Variants in VAV2 observed in about 807,000 individuals in gnomAD.
The protein encoded by VAV2 is guanine nucleotide exchange factor VAV2.
VAV2 carries 67 observed loss-of-function variants against 132.5 expected under a neutral mutation model. The ratio of observed to expected loss-of-function variants is 0.51; its 90% confidence interval spans 0.42 to 0.62. The LOEUF (loss-of-function observed/expected upper bound fraction) is 0.62. Ranked by LOEUF, VAV2 falls within the 20% of genes least tolerant of loss-of-function variation. The pLI, the probability that VAV2 is intolerant of heterozygous loss-of-function variation, is 0.00. For synonymous variants in VAV2, 492 were observed against 443.5 expected, an observed-to-expected ratio of 1.11 and a Z score of -1.37; for missense variants, 938 against 1,153.6, an observed-to-expected ratio of 0.81 and a Z score of 2.71.
intron 23 of VAV2, among the ~76,000 whole-genome samples, chr9:133,776,822 AC>A (rs1411415531): frequency 6.6e-6 from 1 of 152,158 alleles, no homozygotes; most frequent in Admixed American, 6.5e-5. Context: ...CCACCCCTGC[AC>A]CTTCAGAGGT....
chr9:133,860,130 T>A (rs370440239), intron 3 of VAV2, among the ~76,000 whole-genome samples: 35 of 151,938 alleles, frequency 2.3e-4, no homozygotes, highest in African/African-American at 8.2e-4. Context: ...GTGAAACCCT[T>A]TCTCTACTGA....
intron 2 of VAV2, among the ~76,000 whole-genome samples, chr9:133,899,818 G>A (rs141157555): frequency 0.15 from 22,352 of 150,062 alleles, 1,825 homozygotes; most frequent in South Asian, 0.2. Flanking sequence ...TCAGGAGGTC[G>A]AGACCATCCT....
At chr9:133,776,563 G>A (rs1232515752) in intron 23 of VAV2, among the ~76,000 whole-genome samples, 2 of 152,110 alleles carry the variant, frequency 1.3e-5, no homozygotes, top group African/African-American at 4.8e-5. Context: ...CAGCCTCAGA[G>A]ACTACCTCTT....
chr9:133,934,769 C>T (rs1840842910), intron 2 of VAV2, among the ~76,000 whole-genome samples: 1 of 152,128 alleles, frequency 6.6e-6, no homozygotes, highest in Admixed American at 6.5e-5. Flanking sequence ...TCGCAGAAAG[C>T]CTGCTGGGGG....
chr9:133,882,258 T>A (rs1838527394), intron 2 of VAV2, among the ~76,000 whole-genome samples: 1 of 152,050 alleles, frequency 6.6e-6, no homozygotes, highest in Non-Finnish European at 1.5e-5. Flanking sequence ...GTGAAGCAGG[T>A]GAAGCACGCA....
At chr9:133,848,304 A>T (rs1019568235) in intron 3 of VAV2, among the ~76,000 whole-genome samples, 15 of 147,740 alleles carry the variant, frequency 1.0e-4, no homozygotes, top group African/African-American at 3.6e-4. Context: ...AAAAAAAAAA[A>T]TCCAAAGCAA....
At chr9:133,862,245 G>GCTA (rs1837625406) in intron 2 of VAV2, among the ~76,000 whole-genome samples, 1 of 152,248 alleles carries the variant, frequency 6.6e-6, no homozygotes, top group African/African-American at 2.4e-5. Context: ...GATCTCCAAA[G>GCTA]GGACAGGTGG....
At chr9:133,853,520 G>C (rs955682966) in intron 3 of VAV2, among the ~76,000 whole-genome samples, 1 of 152,152 alleles carries the variant, frequency 6.6e-6, no homozygotes, top group Admixed American at 6.5e-5. Flanking sequence ...CCACAGGTGT[G>C]GCAGGTTCCA....
intron 23 of VAV2, 77 bp downstream of exon 23, chr9:133,777,312 C>T: frequency 2.0e-6 from 3 of 1,483,690 alleles, no homozygotes; most frequent in South Asian, 1.2e-5. Context: ...CAAAAATGTC[C>T]ACGTGAGGAG....
intron 2 of VAV2, among the ~76,000 whole-genome samples, chr9:133,862,779 G>C (rs559815557): frequency 7.9e-5 from 12 of 152,328 alleles, no homozygotes; most frequent in Admixed American, 7.2e-4. Context: ...ACCGAGGATC[G>C]GTCACTTGCC....
chr9:133,852,736 TG>T (rs1837235232), intron 3 of VAV2, among the ~76,000 whole-genome samples: 1 of 152,128 alleles, frequency 6.6e-6, no homozygotes, highest in African/African-American at 2.4e-5. Flanking sequence ...AGCCAGTTAC[TG>T]TATTTCTGAA....
At chr9:133,890,379 C>G (rs1166237349) in intron 2 of VAV2, among the ~76,000 whole-genome samples, 3 of 152,222 alleles carry the variant, frequency 2.0e-5, no homozygotes, top group African/African-American at 7.2e-5. Flanking sequence ...CAGGAGTGAG[C>G]ACGGACTGCA....
At position 133,806,039 on chromosome 9, in the gene VAV2, C is replaced by T. The variant is rs368731525; in HGVS notation, c.836+42G>A. ...CCACTTGTGTAAACTCTCCCGCAGA[C>T]AGGGAGGGGCCAAGGAGCCCCAGGA... On this transcript the variant is annotated intron_variant, in intron 9 of 29. Transcript: ENST00000371850. The T allele has an allele frequency of 2.5e-6, 4 of 1,586,978 alleles. No homozygotes were observed. The African/African-American group carries it at 5.4e-5, about 21-fold the overall frequency.
At chr9:133,869,494 TG>T (rs1333038081) in intron 2 of VAV2, among the ~76,000 whole-genome samples, 1 of 151,836 alleles carries the variant, frequency 6.6e-6, no homozygotes, top group East Asian at 1.9e-4. Context: ...CCTGTGGTCC[TG>T]GCTACTCGGG....
intron 2 of VAV2, among the ~76,000 whole-genome samples, chr9:133,907,243 C>A (rs1019680182): frequency 6.6e-6 from 1 of 152,190 alleles, no homozygotes; most frequent in African/African-American, 2.4e-5. Flanking sequence ...TACAGACCAT[C>A]GAACCCAGCA....
At position 133,883,038 on chromosome 9, in the gene VAV2, G is replaced by A. The variant is rs1838562416; in HGVS notation, c.322-21606C>T. On this transcript the variant is annotated intron_variant, in intron 2 of 29. Coordinates refer to ENST00000371850, the MANE Select transcript of VAV2 (RefSeq NM_001134398.2). This position sits in a 1 kb window ranked among gnomAD's most constrained non-coding sequence, Gnocchi z 4.2. ...CCCACACCCACCCCATGCCAGGCTTGGCCCCCTAATGGCCCTCTTTCCCAG... is the reference window on the plus strand; with the variant it reads ...CCCACACCCACCCCATGCCAGGCTTAGCCCCCTAATGGCCCTCTTTCCCAG... Among the ~76,000 whole-genome samples, 1 of 152,096 alleles carries A rather than the reference G, an allele frequency of 6.6e-6. No individual in the cohort carries two copies. The highest frequency in any genetic ancestry group is 6.5e-5 in the Admixed American group (1 of 15,272).
In VAV2 at chr9:133,907,005, G is replaced by A. The variant is rs561864057; in HGVS notation, c.321+32098C>T. ...CTCCGTGAGTGATGGCCGCTATGCT[G>A]CTCGGCCCCCTCAGGCCTGCCTCAG... On this transcript the variant is annotated intron_variant, in intron 2 of 29. Coordinates refer to ENST00000371850, the MANE Select transcript of VAV2 (RefSeq NM_001134398.2). Among the ~76,000 whole-genome samples the A allele has an allele frequency of 3.3e-5, 5 of 152,326 alleles. No individual in the cohort carries two copies. The South Asian group carries it at 6.2e-4, about 19-fold the overall frequency.
rs577362371 is a variant in VAV2 at position 133,787,965 on chromosome 9, G to A, written c.1407+389C>T. On this transcript the variant is annotated intron_variant, in intron 15 of 29. Coordinates refer to ENST00000371850, the MANE Select transcript of VAV2 (RefSeq NM_001134398.2). ...CCGCAGGGTGGGACGGGAGAGGAAAGCCTGCTTGCTACAAGGGACAACATG... is the reference window on the plus strand; with the variant it reads ...CCGCAGGGTGGGACGGGAGAGGAAAACCTGCTTGCTACAAGGGACAACATG... Among the ~76,000 whole-genome samples the A allele has an allele frequency of 1.8e-4, 28 of 152,354 alleles. No homozygotes were observed. The South Asian group carries it at 5.8e-3, about 32-fold the overall frequency.
chr9:133,764,420 A>G (rs1176182016), intron 29 of VAV2, among the ~76,000 whole-genome samples: 1 of 151,868 alleles, frequency 6.6e-6, no homozygotes, highest in African/African-American at 2.4e-5. Context: ...CAAGCTTGGC[A>G]TTCAGTCAGG....
Sources: allele counts gnomAD v4.1 joint callset (sites outside exome capture counted in the v4.1 genomes callset), GRCh38; gene constraint gnomAD v4.1.1; non-coding constraint Gnocchi (gnomAD v3.1); transcripts MANE v1.5; gene names NCBI Gene and HGNC (gene_info 2026-07-23, HGNC 2026-07-21).